Variants in ADAMTS12 observed in about 807,000 individuals in gnomAD.
The protein encoded by ADAMTS12 is A disintegrin and metalloproteinase with thrombospondin motifs 12.
Under a neutral mutation model 167.8 loss-of-function variants are expected in ADAMTS12, and 118 were observed. The observed-to-expected ratio is 0.70, with a 90% CI of 0.61 to 0.82. The LOEUF is 0.82. Ranked by LOEUF, ADAMTS12 falls within the 40% of genes least tolerant of loss-of-function variation. The probability of loss-of-function intolerance (pLI) is 0.00; values close to 1 mark genes in which losing one functional copy is unlikely to be tolerated. For synonymous variants in ADAMTS12, 704 were observed against 716.9 expected, an observed-to-expected ratio of 0.98 and a Z score of 0.29; for missense variants, 1,916 against 1,998.8, an observed-to-expected ratio of 0.96 and a Z score of 0.79.
intron 7 of ADAMTS12, among the ~76,000 whole-genome samples, chr5:33,656,127 T>C (rs2112206580): frequency 6.6e-6 from 1 of 152,324 alleles, no homozygotes; most frequent in East Asian, 1.9e-4. Flanking sequence ...AGAAACCTTA[T>C]AGTAGTTTTA....
Position 33,626,676 on chromosome 5 carries a change from T to C in ADAMTS12, c.2023-2325A>G, listed in dbSNP as rs555854904. Among the ~76,000 whole-genome samples, 295 of 147,416 alleles carry C rather than the reference T, an allele frequency of 2.0e-3. 3 individuals carry two copies. Among genetic ancestry groups the C allele is most frequent in the African/African-American group, 7.1e-3 (285 of 40,026 alleles). The stretch of plus-strand genomic sequence containing the variant: ...GGTGATGTGGTAATGGTGGTGGTGA[T>C]TTGATGGTGGTAGTGGTAGTGGTGG... On this transcript the variant is annotated intron_variant, in intron 13 of 23. Transcript: ENST00000504830.
intron 5 of ADAMTS12, among the ~76,000 whole-genome samples, chr5:33,667,137 C>T (rs1050705261): frequency 6.6e-6 from 1 of 151,932 alleles, no homozygotes; most frequent in Non-Finnish European, 1.5e-5. Context: ...TTTTCACTTA[C>T]TGAAGCCCCA....
At chr5:33,693,723 C>A (rs983550076) in intron 3 of ADAMTS12, among the ~76,000 whole-genome samples, 25 of 152,012 alleles carry the variant, frequency 1.6e-4, no homozygotes, top group Admixed American at 1.6e-3. Context: ...ATCAAATGAC[C>A]AAAAGCTAGA....
chr5:33,536,733 C>T (rs981469641), intron 22 of ADAMTS12, among the ~76,000 whole-genome samples: 2 of 152,172 alleles, frequency 1.3e-5, no homozygotes, highest in African/African-American at 4.8e-5. Context: ...AACCCAAGTC[C>T]ACCCCCGATA....
intron 3 of ADAMTS12, among the ~76,000 whole-genome samples, chr5:33,695,902 T>G (rs1309720125): frequency 6.6e-6 from 1 of 152,168 alleles, no homozygotes; most frequent in Non-Finnish European, 1.5e-5. Context: ...TAAATCAACT[T>G]TCTAAAAAAG....
chr5:33,555,129 A>C (rs771298204), intron 20 of ADAMTS12, among the ~76,000 whole-genome samples: 1 of 152,154 alleles, frequency 6.6e-6, no homozygotes, highest in Non-Finnish European at 1.5e-5. Flanking sequence ...ATCAGTGAGG[A>C]AGTGTGTGGA....
At chr5:33,890,337 C>G (rs1750797139) in intron 1 of ADAMTS12, among the ~76,000 whole-genome samples, 1 of 152,182 alleles carries the variant, frequency 6.6e-6, no homozygotes. Context: ...CTATTTTAAA[C>G]TTGGGGGTGG....
chr5:33,596,289 C>T (rs990038506), intron 16 of ADAMTS12, among the ~76,000 whole-genome samples: 1 of 152,116 alleles, frequency 6.6e-6, no homozygotes, highest in Non-Finnish European at 1.5e-5. Context: ...AACTGTAGAT[C>T]ATAGAGGTAG....
intron 2 of ADAMTS12, among the ~76,000 whole-genome samples, chr5:33,849,588 A>ATATATGTATTG (rs1749129803): frequency 8.4e-5 from 6 of 71,050 alleles, no homozygotes; most frequent in African/African-American, 1.9e-4. Flanking sequence ...GCATAGCAAT[A>ATATATGTATTG]CACATATGTA....
At chr5:33,862,867 T>C (rs1749673406) in intron 2 of ADAMTS12, among the ~76,000 whole-genome samples, 1 of 151,852 alleles carries the variant, frequency 6.6e-6, no homozygotes, top group Admixed American at 6.6e-5. Flanking sequence ...GCTTCATCCC[T>C]GGGATGCAAG....
At chr5:33,529,953 T>A (rs1744014271) in intron 23 of ADAMTS12, among the ~76,000 whole-genome samples, 1 of 152,180 alleles carries the variant, frequency 6.6e-6, no homozygotes, top group Non-Finnish European at 1.5e-5. Flanking sequence ...GACGGTTCCC[T>A]CTGTCTCCCA....
At chr5:33,550,558 A>G (rs1745211534) in intron 20 of ADAMTS12, among the ~76,000 whole-genome samples, 1 of 151,780 alleles carries the variant, frequency 6.6e-6, no homozygotes, top group Admixed American at 6.6e-5. Context: ...CATGTCCTGA[A>G]TGTTCCTTCC....
intron 2 of ADAMTS12, among the ~76,000 whole-genome samples, chr5:33,775,094 T>C (rs1182892456): frequency 1.3e-5 from 2 of 152,106 alleles, no homozygotes; most frequent in East Asian, 1.9e-4. Flanking sequence ...AGAAAGTCAA[T>C]GTGACAGTGT....
intron 17 of ADAMTS12, among the ~76,000 whole-genome samples, chr5:33,592,288 A>C (rs1057040927): frequency 1.1e-4 from 17 of 152,118 alleles, no homozygotes; most frequent in African/African-American, 3.6e-4. Context: ...CAAAACAAAA[A>C]AAACTATCCA....
chr5:33,727,328 G>A (rs1289010594), intron 3 of ADAMTS12, among the ~76,000 whole-genome samples: 2 of 151,916 alleles, frequency 1.3e-5, no homozygotes, highest in African/African-American at 2.4e-5. Flanking sequence ...TTGGGCTCTC[G>A]CCTCCTTGTT....
intron 3 of ADAMTS12, among the ~76,000 whole-genome samples, chr5:33,690,176 G>A (rs1323108363): frequency 6.6e-6 from 1 of 152,220 alleles, no homozygotes; most frequent in Non-Finnish European, 1.5e-5. Context: ...TGAGCAGCCC[G>A]AGGGGCCCAT....
At chr5:33,599,534 C>T (rs1224901525) in intron 16 of ADAMTS12, among the ~76,000 whole-genome samples, 2 of 144,068 alleles carry the variant, frequency 1.4e-5, no homozygotes, top group African/African-American at 2.5e-5. Flanking sequence ...TCTTTAACTG[C>T]TCCTCCCCCT....
chr5:33,648,927 C>G lies in ADAMTS12; in HGVS notation c.1374G>C (p.Lys458Asn). 6.2e-7 allele frequency: 1 copy of G among 1,614,058 alleles called. No individual in the cohort carries two copies. The highest frequency in any genetic ancestry group is 8.5e-7 in the Non-Finnish European group (1 of 1,179,966). The change falls in exon 9 of 24, where the codon AAG becomes AAC. Residue 458 changes from lysine to asparagine, a missense_variant. By Grantham distance (94) the Lys-to-Asn change is moderately conservative. Transcript: ENST00000504830. ...WGFCLDDIPK[K>N]KGLKSKVIAP... ...CAATGACCTTGGACTTCAAGCCTTT[C>G]TTTTTAGGTATGTCATCAAGACAGA...
intron 3 of ADAMTS12, among the ~76,000 whole-genome samples, chr5:33,708,955 AAAATAAAAAAAC>A (rs1743293103): frequency 6.6e-6 from 1 of 152,128 alleles, no homozygotes; most frequent in Non-Finnish European, 1.5e-5. Context: ...TAAAAAATAA[AAAATAAAAAAAC>A]AAATAAAAAA....
Sources: gnomAD v4.1 joint callset for allele counts (sites outside exome capture counted in the v4.1 genomes callset) on GRCh38, gnomAD v4.1.1 for gene constraint, MANE v1.5 for transcripts, NCBI Gene and HGNC (gene_info 2026-07-23, HGNC 2026-07-21) for gene names.